The following IQSEC1 variants were observed in gnomAD, a reference collection of about 807,000 sequenced individuals.
IQSEC1 encodes the protein IQ motif and Sec7 domain ArfGEF 1.
IQSEC1 carries 31 observed loss-of-function variants against 91.0 expected under a neutral mutation model. The ratio of observed to expected loss-of-function variants is 0.34; its 90% confidence interval spans 0.26 to 0.46. The LOEUF (loss-of-function observed/expected upper bound fraction) is 0.46, where lower values mean the gene tolerates loss of function less well. Among genes scored for constraint, IQSEC1 ranks in the 20% least tolerant of loss-of-function variants. The probability of loss-of-function intolerance (pLI) is 1.00; values close to 1 mark genes in which losing one functional copy is unlikely to be tolerated. For missense variants in IQSEC1, 1,388 were observed against 1,575.6 expected (o/e 0.88, Z 2.02); for synonymous variants, 699 against 662.6 (o/e 1.05, Z -0.84).
intron 1 of IQSEC1, among the ~76,000 whole-genome samples, chr3:12,985,663 G>C (rs376311): frequency 4.5e-4 from 68 of 151,696 alleles, no homozygotes; most frequent in South Asian, 8.3e-4. Flanking sequence ...GTGGCAGAGT[G>C]GGGGGGGTCA....
chr3:13,180,023 C>T (rs1228464173), intron 1 of IQSEC1, among the ~76,000 whole-genome samples: 1 of 152,210 alleles, frequency 6.6e-6, no homozygotes, highest in Non-Finnish European at 1.5e-5. Context: ...TCCTGTGAGG[C>T]CTGAGCCTCC....
At chr3:13,235,188 C>T (rs926652978) in intron 1 of IQSEC1, among the ~76,000 whole-genome samples, 3 of 152,168 alleles carry the variant, frequency 2.0e-5, no homozygotes, top group East Asian at 1.9e-4. Context: ...GGGGCTGCCC[C>T]GTCTCACAGA....
Position 12,908,475 on chromosome 3 carries a change from A to G in IQSEC1, c.2629T>C (p.Ser877Pro). 6.2e-7 allele frequency: 1 copy of G among 1,613,558 alleles called. No individual in the cohort carries two copies. The highest frequency in any genetic ancestry group is 8.5e-7 in the Non-Finnish European group (1 of 1,180,020). The change falls in exon 12 of 14, where the codon TCT becomes CCT. Residue 877 changes from serine (S) to proline (P), a missense_variant. Ser to Pro is a moderately conservative substitution (Grantham distance 74). This residue lies in a region of IQSEC1 where 1,059 missense variants were observed against 1,317.8 expected (regional missense o/e 0.80). Transcript: ENST00000613206. This position sits in a 1 kb window ranked among gnomAD's most constrained non-coding sequence, Gnocchi z 4.9. The stretch of plus-strand genomic sequence containing the variant: ...TTGCCCGACTCCTTTTTGAGGCTAG[A>G]GCACTGGGACATGCTGGGCCGCACG... Reference protein sequence around the residue: ...GVVRPSMSQCSSLKKESGNGT... With the variant: ...GVVRPSMSQCPSLKKESGNGT...
At chr3:13,106,012 T>C (rs753843171) in intron 2 of IQSEC1, among the ~76,000 whole-genome samples, 1 of 152,246 alleles carries the variant, frequency 6.6e-6, no homozygotes, top group African/African-American at 2.4e-5. Flanking sequence ...GGCTGGTTCC[T>C]TCCTGGTTAG....
chr3:13,114,654 A>G (rs886959046), intron 2 of IQSEC1, among the ~76,000 whole-genome samples: 2 of 152,086 alleles, frequency 1.3e-5, no homozygotes, highest in South Asian at 4.2e-4. Flanking sequence ...TTAGCCTGGC[A>G]TGGTGGTGGG....
Position 12,908,993 on chromosome 3 carries a change from G to A in IQSEC1, c.2578+280C>T, listed in dbSNP as rs892261961. The stretch of plus-strand genomic sequence containing the variant: ...ATGACGAGGTGCAGAGAGGCCAGCT[G>A]GGAACTCTGCGGGCTCTTGCGCACG... On this transcript the variant is annotated intron_variant, in intron 11 of 13. Coordinates refer to ENST00000613206, the MANE Select transcript of IQSEC1 (RefSeq NM_001134382.3). The surrounding 1 kb of genome is among the most constrained non-coding windows in gnomAD (Gnocchi z 4.9). Among the ~76,000 whole-genome samples the A allele has an allele frequency of 1.3e-5, 2 of 152,154 alleles. No individual in the cohort carries two copies. Among genetic ancestry groups the A allele is most frequent in the African/African-American group, 4.8e-5 (2 of 41,434 alleles).
intron 1 of IQSEC1, among the ~76,000 whole-genome samples, chr3:13,220,910 C>G (rs191307483): frequency 1.3e-5 from 2 of 152,304 alleles, no homozygotes; most frequent in African/African-American, 2.4e-5. Flanking sequence ...TACCAGCCAC[C>G]GGGCCACTTC....
intron 1 of IQSEC1, among the ~76,000 whole-genome samples, chr3:13,182,903 G>A (rs555382463): frequency 4.6e-5 from 7 of 152,312 alleles, no homozygotes; most frequent in African/African-American, 1.4e-4. Flanking sequence ...AGTGGCTCAC[G>A]CCTGTAATCC....
At chr3:13,126,597 TA>T (rs1299312671) in intron 2 of IQSEC1, among the ~76,000 whole-genome samples, 1 of 152,232 alleles carries the variant, frequency 6.6e-6, no homozygotes, top group African/African-American at 2.4e-5. Context: ...AAGAAACTGT[TA>T]AACTGTTTTC....
chr3:13,097,765 T>G (rs1705989855), intron 2 of IQSEC1, among the ~76,000 whole-genome samples: 1 of 152,234 alleles, frequency 6.6e-6, no homozygotes, highest in African/African-American at 2.4e-5. Flanking sequence ...CTGGAATCGC[T>G]TCTGGCTGCG....
intron 3 of IQSEC1, among the ~76,000 whole-genome samples, chr3:12,929,811 C>T (rs1164760001): frequency 1.3e-5 from 2 of 152,212 alleles, no homozygotes; most frequent in Non-Finnish European, 2.9e-5. Flanking sequence ...CTGCTGCCCC[C>T]TAAAATGCCC....
Position 13,098,794 on chromosome 3 carries a change from G to A in IQSEC1, c.303-51272C>T, listed in dbSNP as rs373429671. 2.0e-3 allele frequency among the ~76,000 whole-genome samples: 304 copies of A among 152,302 alleles called. 16 individuals carry two copies. The South Asian group carries it at 0.061, about 31-fold the overall frequency. Reference sequence around the variant, plus strand: ...AATTCAAGGTTACCAGGGACTTAGGGGAAGAGGAAGTGGGAAATGACTGCT... The same window carrying A: ...AATTCAAGGTTACCAGGGACTTAGGAGAAGAGGAAGTGGGAAATGACTGCT... On this transcript the variant is annotated intron_variant, in intron 2 of 15. Transcript: ENST00000648114.
chr3:13,075,051 G>A (rs201303359), upstream of IQSEC1, among the ~76,000 whole-genome samples: 5 of 152,286 alleles, frequency 3.3e-5, no homozygotes, highest in East Asian at 5.8e-4. Flanking sequence ...GCCCTCTCCA[G>A]GTGAATCCAT....
At chr3:13,058,622 G>A (rs1704958439) in intron 1 of IQSEC1, among the ~76,000 whole-genome samples, 1 of 152,194 alleles carries the variant, frequency 6.6e-6, no homozygotes, top group South Asian at 2.1e-4. Flanking sequence ...AGCCTTAGTG[G>A]GGCCCTGGAA....
intron 1 of IQSEC1, among the ~76,000 whole-genome samples, chr3:13,064,037 C>G (rs1705158020): frequency 6.6e-6 from 1 of 151,788 alleles, no homozygotes; most frequent in African/African-American, 2.4e-5. Flanking sequence ...ACAGAGAGAT[C>G]TTATATACAT....
In IQSEC1 at chr3:13,073,386, G is replaced by A. The variant is rs1705500108; in HGVS notation, c.-372C>T. Among the ~76,000 whole-genome samples, 1 of 151,822 alleles carries A rather than the reference G, an allele frequency of 6.6e-6. No individual in the cohort carries two copies. Among genetic ancestry groups the A allele is most frequent in the Admixed American group, 6.6e-5 (1 of 15,266 alleles). ...GTGCGGGGCGCGGGGATGAGGAGGG[G>A]AGGGTCGAGAGAAGGCTGCCCCGGG... is the stretch of plus-strand genomic sequence containing the variant. On this transcript the variant is annotated 5_prime_UTR_variant, in exon 1 of 14. Coordinates refer to ENST00000613206, the MANE Select transcript of IQSEC1 (RefSeq NM_001134382.3).
chr3:12,936,571 C>T lies in IQSEC1; in HGVS notation c.445G>A (p.Glu149Lys). Residue 149 changes from glutamate (E) to lysine (K), a missense_variant, in exon 3 of 14, where the codon GAG (glutamate) becomes AAG (lysine). This residue lies in a region of IQSEC1 where 1,059 missense variants were observed against 1,317.8 expected (regional missense o/e 0.80). Coordinates refer to ENST00000613206, the MANE Select transcript of IQSEC1 (RefSeq NM_001134382.3). Reference sequence around the variant, plus strand: ...ACAATCCGGCGTGACATGCGGTTCTCTGACATGGAGCTGCGCAAGCGCTCG... The same window carrying T: ...ACAATCCGGCGTGACATGCGGTTCTTTGACATGGAGCTGCGCAAGCGCTCG... ...NFERLRSSMSENRMSRRIVLS... is the reference protein window; with the variant it reads ...NFERLRSSMSKNRMSRRIVLS... 1 of 1,613,354 alleles carries T rather than the reference C, an allele frequency of 6.2e-7. No individual in the cohort carries two copies. The highest frequency in any genetic ancestry group is 8.5e-7 in the Non-Finnish European group (1 of 1,180,030).
At chr3:12,957,376 C>G (rs952859652) in intron 1 of IQSEC1, among the ~76,000 whole-genome samples, 3 of 152,188 alleles carry the variant, frequency 2.0e-5, no homozygotes, top group Admixed American at 6.5e-5. Flanking sequence ...ACGGAGATGA[C>G]CAGAAGCTTC....
At chr3:13,226,023 G>A (rs112703154) in intron 1 of IQSEC1, among the ~76,000 whole-genome samples, 1,805 of 152,218 alleles carry the variant, frequency 0.012, 35 homozygotes, top group African/African-American at 0.041. Context: ...TCGGATTACA[G>A]GCACCCACCA....
Sources: allele counts gnomAD v4.1 joint callset (sites outside exome capture counted in the v4.1 genomes callset), GRCh38; gene constraint gnomAD v4.1.1; regional missense constraint gnomAD v4.1.1; non-coding constraint Gnocchi (gnomAD v3.1); transcripts MANE v1.5; gene names NCBI Gene and HGNC (gene_info 2026-07-23, HGNC 2026-07-21).